PRUNE2: variants seen among roughly 807,000 people sequenced by gnomAD.
PRUNE2 encodes prune homolog 2 with BCH domain.
Under a neutral mutation model 252.0 loss-of-function variants are expected in PRUNE2, and 164 were observed. The ratio of observed to expected loss-of-function variants is 0.65; its 90% CI spans 0.57 to 0.74. The LOEUF (loss-of-function observed/expected upper bound fraction) is 0.74, where lower values mean the gene tolerates loss of function less well. Ranked by LOEUF, PRUNE2 falls within the 30% of genes least tolerant of loss-of-function variation. PRUNE2 has a pLI of 0.00. For missense variants in PRUNE2, 3,495 were observed against 3,711.0 expected, an observed-to-expected ratio of 0.94 and a Z score of 1.51; for synonymous variants, 1,292 against 1,350.2, an observed-to-expected ratio of 0.96 and a Z score of 0.94.
At chr9:76,889,601 T>G (rs907627819) in intron 1 of PRUNE2, among the ~76,000 whole-genome samples, 15 of 152,186 alleles carry the variant, frequency 9.9e-5, no homozygotes, top group Non-Finnish European at 2.1e-4. Flanking sequence ...ATTACAGGTG[T>G]GACCCACCTC....
chr9:76,706,776 G>T lies in PRUNE2; in HGVS notation c.5498C>A (p.Ser1833Ter). The stretch of plus-strand genomic sequence containing the variant: ...TTCAATTAGTCTCCCTTCCTGGGGT[G>T]AGGCCTTCCACCACTCAGTGCTATC... ...SADSTEWWKA[S>*]PQEGRLIESP... Residue 1833 changes from serine to a stop codon, truncating the protein, a stop_gained, in exon 8 of 19, where the codon TCA becomes TAA. Coordinates refer to ENST00000376718, the MANE Select transcript of PRUNE2 (RefSeq NM_015225.3). LOFTEE classifies it high-confidence loss of function. The T allele has an allele frequency of 1.9e-6, 3 of 1,610,938 alleles. No individual in the cohort carries two copies. Among genetic ancestry groups the T allele is most frequent in the South Asian group, 1.1e-5 (1 of 90,486 alleles).
chr9:76,795,058 G>A (rs968952335), intron 6 of PRUNE2, among the ~76,000 whole-genome samples: 9 of 152,172 alleles, frequency 5.9e-5, no homozygotes, highest in Non-Finnish European at 1.0e-4. Flanking sequence ...AGAGACAACA[G>A]AGAAGCCTTA....
In PRUNE2 at chr9:76,734,944, G is replaced by C. The variant is rs114310848; in HGVS notation, c.757-21223C>G. ...GAGCCATCCTGGAGAGTCATGGAGA[G>C]AGGAGTGTCCCTGAGGATGAGGACA... On this transcript the variant is annotated intron_variant, in intron 6 of 18. Coordinates refer to ENST00000376718, the MANE Select transcript of PRUNE2 (RefSeq NM_015225.3). 2.7e-3 allele frequency among the ~76,000 whole-genome samples: 410 copies of C among 152,320 alleles called. 2 individuals carry two copies. Among genetic ancestry groups the C allele is most frequent in the African/African-American group, 9.5e-3 (395 of 41,572 alleles).
intron 6 of PRUNE2, among the ~76,000 whole-genome samples, chr9:76,760,460 C>T (rs1377199502): frequency 6.6e-6 from 1 of 152,082 alleles, no homozygotes; most frequent in Non-Finnish European, 1.5e-5. Flanking sequence ...CTACTTTTTC[C>T]CTTCTTACTT....
chr9:76,804,111 CA>C lies in PRUNE2; in HGVS notation c.756+19520del, dbSNP rs1430537855. Among the ~76,000 whole-genome samples, 12 of 152,206 alleles carry C rather than the reference CA, an allele frequency of 7.9e-5. 1 individual carries two copies. The highest frequency in any genetic ancestry group is 7.8e-4 in the Admixed American group (12 of 15,288). On this transcript the variant is annotated intron_variant, in intron 6 of 18. Transcript: ENST00000376718. The stretch of plus-strand genomic sequence containing the variant: ...CAGATCAGCCTGTCTACTAGTCTGA[CA>C]ATTTTTCCAGGGTGCAGGCTGCTCA...
intron 6 of PRUNE2, among the ~76,000 whole-genome samples, chr9:76,716,197 C>G (rs188304693): frequency 1.7e-3 from 255 of 152,298 alleles, no homozygotes; most frequent in African/African-American, 5.8e-3. Flanking sequence ...GTTTCCTATT[C>G]AAAAATGCCG....
intron 1 of PRUNE2, among the ~76,000 whole-genome samples, chr9:76,866,777 C>G (rs1029858306): frequency 6.7e-6 from 1 of 150,110 alleles, no homozygotes; most frequent in Non-Finnish European, 1.5e-5. Flanking sequence ...GAAAAGAGAG[C>G]GAGAGAAAGA....
At chr9:76,857,864 A>G (rs2132717714) in intron 1 of PRUNE2, among the ~76,000 whole-genome samples, 1 of 152,120 alleles carries the variant, frequency 6.6e-6, no homozygotes, top group Non-Finnish European at 1.5e-5. Context: ...CCCTGAGGGA[A>G]TGGGCCCATC....
chr9:76,685,099 C>A (rs1418227089), intron 9 of PRUNE2, among the ~76,000 whole-genome samples: 5 of 152,198 alleles, frequency 3.3e-5, no homozygotes, highest in African/African-American at 1.2e-4. Flanking sequence ...TTACTGACTT[C>A]TCTTAAGACT....
chr9:76,860,351 C>T (rs886832976), intron 1 of PRUNE2, among the ~76,000 whole-genome samples: 88 of 152,212 alleles, frequency 5.8e-4, no homozygotes, highest in Admixed American at 5.8e-3. Flanking sequence ...CTTCCCGTAA[C>T]TCTAACCTTG....
At chr9:76,646,478 T>A (rs1844898220) in intron 11 of PRUNE2, among the ~76,000 whole-genome samples, 1 of 152,222 alleles carries the variant, frequency 6.6e-6, no homozygotes, top group Non-Finnish European at 1.5e-5. Flanking sequence ...CACTCTGGCT[T>A]CCACTGTGTT....
At chr9:76,777,013 G>C (rs2053876773) in intron 6 of PRUNE2, among the ~76,000 whole-genome samples, 1 of 151,542 alleles carries the variant, frequency 6.6e-6, no homozygotes, top group Admixed American at 6.6e-5. Context: ...CTCTTGGGTT[G>C]GGTTCCCACA....
chr9:76,851,558 A>AC (rs899017342), intron 2 of PRUNE2, among the ~76,000 whole-genome samples: 10 of 138,036 alleles, frequency 7.2e-5, no homozygotes, highest in South Asian at 2.4e-4. Context: ...GGAAAAAAAA[A>AC]AAACACACAC....
intron 12 of PRUNE2, chr9:76,642,001 T>TAAAAAAAAAAAAAAAAAA: frequency 3.8e-5 from 38 of 1,010,424 alleles, no homozygotes; most frequent in Admixed American, 2.1e-4. Flanking sequence ...ATAAGAGAAG[T>TAAAAAAAAAAAAAAAAAA]AAAAAAAAAA....
chr9:76,842,853 T>C (rs2059465650), intron 4 of PRUNE2, among the ~76,000 whole-genome samples: 1 of 152,122 alleles, frequency 6.6e-6, no homozygotes. Context: ...TGTGGAGAAA[T>C]AGGAACACTT....
intron 1 of PRUNE2, among the ~76,000 whole-genome samples, chr9:76,859,945 C>A (rs1181656088): frequency 9.9e-5 from 15 of 152,176 alleles, no homozygotes; most frequent in Admixed American, 9.8e-4. Flanking sequence ...AGGCAATCCA[C>A]CTGCCTAGGC....
At chr9:76,743,461 G>A (rs759093417) in intron 6 of PRUNE2, among the ~76,000 whole-genome samples, 53 of 152,116 alleles carry the variant, frequency 3.5e-4, no homozygotes, top group African/African-American at 1.1e-3. Context: ...TAGTCTGACC[G>A]TCCCTCTATG....
chr9:76,726,981 A>G (rs2048155701), intron 6 of PRUNE2, among the ~76,000 whole-genome samples: 1 of 152,254 alleles, frequency 6.6e-6, no homozygotes, highest in South Asian at 2.1e-4. Context: ...TAAGCAAGCC[A>G]AATACAGAAA....
intron 1 of PRUNE2, among the ~76,000 whole-genome samples, chr9:76,889,727 C>T (rs751556743): frequency 4.5e-4 from 68 of 152,214 alleles, no homozygotes; most frequent in Non-Finnish European, 7.6e-4. Context: ...CAAGGCCACA[C>T]CTCCTCGGGG....
Sources: allele counts gnomAD v4.1 joint callset (sites outside exome capture counted in the v4.1 genomes callset), GRCh38; gene constraint gnomAD v4.1.1; transcripts MANE v1.5; gene names NCBI Gene and HGNC (gene_info 2026-07-23, HGNC 2026-07-21).